The following METTL8 variants were observed in gnomAD, a reference collection of about 807,000 sequenced individuals.
METTL8 encodes the protein tRNA N(3)-cytidine methyltransferase METTL8, mitochondrial.
METTL8 carries 32 observed loss-of-function variants against 48.7 expected under a neutral mutation model. That is an observed-to-expected ratio of 0.66 (90% CI 0.50 to 0.88). METTL8 has a LOEUF of 0.88. METTL8 is among the 40% of genes least tolerant of loss of function. The pLI, the probability that METTL8 is intolerant of heterozygous loss-of-function variation, is 0.00. For missense variants in METTL8, 464 were observed against 474.4 expected (o/e 0.98, Z 0.20); for synonymous variants, 136 against 157.1 (o/e 0.87, Z 1.01).
chr2:171,422,237 T>C (rs1691947508), intron 1 of METTL8, among the ~76,000 whole-genome samples: 1 of 152,144 alleles, frequency 6.6e-6, no homozygotes, highest in African/African-American at 2.4e-5. Context: ...TGTGAAGAAA[T>C]GAAGAGACTA....
intron 2 of METTL8, among the ~76,000 whole-genome samples, chr2:171,367,863 G>T (rs1685886779): frequency 6.6e-6 from 1 of 152,170 alleles, no homozygotes; most frequent in South Asian, 2.1e-4. Flanking sequence ...ACATTGTAAT[G>T]TCTAGAGCTG....
intron 3 of METTL8, among the ~76,000 whole-genome samples, chr2:171,352,710 T>C (rs1347717093): frequency 1.3e-5 from 2 of 152,222 alleles, no homozygotes; most frequent in African/African-American, 2.4e-5. Context: ...GGTATAAGTG[T>C]CCAGGAATTT....
intron 2 of METTL8, among the ~76,000 whole-genome samples, chr2:171,369,709 C>T (rs1686102385): frequency 1.3e-5 from 2 of 151,978 alleles, no homozygotes; most frequent in Admixed American, 1.3e-4. Context: ...GAAATAATTC[C>T]TAAAACAGAA....
intron 6 of METTL8, 156 bp downstream of exon 6, chr2:171,331,648 C>T (rs895589044): frequency 1.1e-5 from 6 of 566,242 alleles, no homozygotes; most frequent in South Asian, 1.8e-5. Context: ...AACTCCTGAC[C>T]CCAGGTGATC....
intron 3 of METTL8, among the ~76,000 whole-genome samples, chr2:171,347,805 C>T (rs78827762): frequency 0.017 from 2,655 of 152,294 alleles, 38 homozygotes; most frequent in Non-Finnish European, 0.025. Flanking sequence ...AGCAGTACTG[C>T]CACTGGTATG....
At chr2:171,326,268 A>G in intron 7 of METTL8, 120 bp from the exon 8 acceptor site, 1 of 613,104 alleles carries the variant, frequency 1.6e-6, no homozygotes, top group Non-Finnish European at 2.9e-6. Flanking sequence ...AATCTAAACC[A>G]TAAACATAAG....
At chr2:171,397,005 T>A (rs1429848329) in intron 1 of METTL8, among the ~76,000 whole-genome samples, 1 of 150,734 alleles carries the variant, frequency 6.6e-6, no homozygotes, top group African/African-American at 2.4e-5. Flanking sequence ...TTTTTTTTTT[T>A]AAGAGAGGGT....
intron 1 of METTL8, among the ~76,000 whole-genome samples, chr2:171,393,895 G>C (rs1553524901): frequency 6.6e-6 from 1 of 150,570 alleles, no homozygotes; most frequent in Non-Finnish European, 1.5e-5. Context: ...TTTCCTTTTG[G>C]AAAAAAAAAG....
intron 1 of METTL8, among the ~76,000 whole-genome samples, chr2:171,407,965 A>G (rs1690358310): frequency 6.6e-6 from 1 of 152,234 alleles, no homozygotes; most frequent in South Asian, 2.1e-4. Context: ...GGCTGAAGTC[A>G]AAAGAACCTG....
rs1686459774 is a variant in METTL8, at chr2:171,339,351, G to C, written c.439C>G (p.Pro147Ala). The stretch of plus-strand genomic sequence containing the variant: ...TGATTTTTTTCATCAGGCACAGTAG[G>C]ACAGTGCATTCTTGAGAAACGATTT... Reference protein sequence around the residue: ...ATNRFSRMHCPTVPDEKNHYE... With the variant: ...ATNRFSRMHCATVPDEKNHYE... The change falls in exon 4 of 10, where the codon CCT (proline) becomes GCT (alanine). Residue 147 changes from proline (P) to alanine (A), a missense_variant. Physicochemically the swap from Pro to Ala is conservative, Grantham distance 27 (BLOSUM62 -1). Coordinates refer to ENST00000375258, the MANE Select transcript of METTL8 (RefSeq NM_001321154.2). The C allele has an allele frequency of 6.2e-7, 1 of 1,612,862 alleles. No individual in the cohort carries two copies. The highest frequency in any genetic ancestry group is 8.5e-7 in the Non-Finnish European group (1 of 1,179,162).
At chr2:171,328,916 T>C (rs994619125) in intron 7 of METTL8, among the ~76,000 whole-genome samples, 15 of 152,178 alleles carry the variant, frequency 9.9e-5, no homozygotes, top group African/African-American at 3.6e-4. Context: ...CTTGAACTCC[T>C]GACCTCAGGT....
intron 1 of METTL8, among the ~76,000 whole-genome samples, chr2:171,413,921 T>C (rs903695857): frequency 2.6e-5 from 4 of 152,152 alleles, no homozygotes; most frequent in African/African-American, 9.7e-5. Flanking sequence ...TGGTAATACA[T>C]ATGAAAATTT....
At position 171,318,190 on chromosome 2, in the gene METTL8, T is replaced by TTA. The variant is rs1684353022; in HGVS notation, c.*5980_*5981dup. 6.6e-6 allele frequency: 1 copy of TTA among 152,138 alleles called. No individual in the cohort carries two copies. Among genetic ancestry groups the TTA allele is most frequent in the South Asian group, 2.1e-4 (1 of 4,820 alleles). 9.4% of individuals were successfully genotyped at this position (152,138 alleles called of 1,614,324 possible). ...GATGCAACTGTTATTTTACTTCTAT[T>TTA]TATATTTATAACTACACCAAAGCCA... On this transcript the variant is annotated 3_prime_UTR_variant, in exon 10 of 10. Transcript: ENST00000375258.
chr2:171,432,547 T>C (rs1693175721), intron 1 of METTL8, among the ~76,000 whole-genome samples: 1 of 152,256 alleles, frequency 6.6e-6, no homozygotes, highest in Admixed American at 6.5e-5. Flanking sequence ...AGTTATCTTT[T>C]CTGGGTTCCA....
chr2:171,336,101 C>CA (rs1553506762), intron 5 of METTL8, among the ~76,000 whole-genome samples: 1 of 143,304 alleles, frequency 7.0e-6, no homozygotes, highest in East Asian at 2.0e-4. Context: ...TCAAACTCTG[C>CA]TTTTTTTTTT....
At chr2:171,425,994 T>C (rs1165943565) in intron 1 of METTL8, among the ~76,000 whole-genome samples, 2 of 151,960 alleles carry the variant, frequency 1.3e-5, no homozygotes, top group Non-Finnish European at 2.9e-5. Context: ...TCATCTCTAC[T>C]AAAAATACAA....
chr2:171,422,491 A>G (rs1034014694), intron 1 of METTL8, among the ~76,000 whole-genome samples: 3 of 152,246 alleles, frequency 2.0e-5, no homozygotes, highest in African/African-American at 7.2e-5. Flanking sequence ...CTTTTACCAC[A>G]TTTAATGTGA....
chr2:171,386,598 T>A (rs546616468), intron 2 of METTL8, among the ~76,000 whole-genome samples: 27 of 152,076 alleles, frequency 1.8e-4, no homozygotes, highest in African/African-American at 6.5e-4. Context: ...ACCTTGTCTC[T>A]ACAAAAAATA....
intron 3 of METTL8, among the ~76,000 whole-genome samples, chr2:171,354,966 A>G (rs1684367795): frequency 6.6e-6 from 1 of 152,100 alleles, no homozygotes; most frequent in Non-Finnish European, 1.5e-5. Context: ...TCTTCTCTCA[A>G]CTTGTCAAAG....
Sources: allele counts gnomAD v4.1 joint callset (sites outside exome capture counted in the v4.1 genomes callset), GRCh38; gene constraint gnomAD v4.1.1; transcripts MANE v1.5; gene names NCBI Gene and HGNC (gene_info 2026-07-23, HGNC 2026-07-21).